SUPT5H: variants seen among roughly 807,000 people sequenced by gnomAD.
The protein encoded by SUPT5H is SPT5 homolog, DSIF elongation factor subunit, also known as transcription elongation factor SPT5.
Under a neutral mutation model 142.5 loss-of-function variants are expected in SUPT5H, and 24 were observed. The observed-to-expected ratio is 0.17, with a 90% CI of 0.12 to 0.24. The LOEUF (loss-of-function observed/expected upper bound fraction) is 0.24, where lower values mean the gene tolerates loss of function less well. Among genes scored for constraint, SUPT5H ranks in the 10% least tolerant of loss-of-function variants. SUPT5H has a pLI of 1.00. For synonymous variants in SUPT5H, 546 were observed against 553.0 expected, an observed-to-expected ratio of 0.99 and a Z score of 0.18; for missense variants, 893 against 1,471.8, an observed-to-expected ratio of 0.61 and a Z score of 6.43.
chr19:39,468,013 C>T (rs2079266083), intron 13 of SUPT5H: 1 of 152,224 alleles, frequency 6.6e-6, no homozygotes, highest in Non-Finnish European at 1.5e-5. Context: ...CATGCTGGCC[C>T]CTCTCCCAGA....
intron 11 of SUPT5H, among the ~76,000 whole-genome samples, chr19:39,465,546 T>C (rs986914908): frequency 6.6e-6 from 1 of 152,200 alleles, no homozygotes; most frequent in Non-Finnish European, 1.5e-5. Flanking sequence ...CCAGGGGACA[T>C]TTGGTAACGT....
intron 10 of SUPT5H, 133 bp downstream of exon 10, chr19:39,460,093 A>G (rs2079142209): frequency 1.2e-6 from 1 of 844,952 alleles, no homozygotes. Flanking sequence ...CTTGAGCTGG[A>G]ATAAGACCAC....
rs921189076 is a variant in SUPT5H, at chr19:39,445,586, A to T, written c.-139A>T. Reference sequence around the variant, plus strand: ...GCGAGAGGACCCGTCAGCCCCAGTCAGGCGTCGTGCGAACAGCAGCTGGTA... The same window carrying T: ...GCGAGAGGACCCGTCAGCCCCAGTCTGGCGTCGTGCGAACAGCAGCTGGTA... On this transcript the variant is annotated 5_prime_UTR_variant, in exon 1 of 30. Transcript: ENST00000432763. 2.6e-6 allele frequency: 1 copy of T among 391,710 alleles called. No individual in the cohort carries two copies. Among genetic ancestry groups the T allele is most frequent in the Non-Finnish European group, 4.8e-6 (1 of 206,454 alleles). 24.3% of individuals were successfully genotyped at this position (391,710 alleles called of 1,614,324 possible).
rs981169701 is a variant in SUPT5H, at chr19:39,466,376, A to G, written c.877-104A>G. The G allele has an allele frequency of 4.6e-6, 5 of 1,091,280 alleles. No individual in the cohort carries two copies. In the African/African-American group the frequency reaches 7.7e-5, roughly 17 times the overall value. The allele number at this position is 1,091,280 out of a possible 1,614,324, so 67.6% of individuals were successfully genotyped here. On this transcript the variant is annotated intron_variant, in intron 11 of 29. Coordinates refer to ENST00000432763, the MANE Select transcript of SUPT5H (RefSeq NM_001111020.3). This position sits in a 1 kb window ranked among gnomAD's most constrained non-coding sequence, Gnocchi z 4.3. ...TGGTCAGCAGCCTGGTTTCTTCCCCACCATCCTGCGTCCCTTCTCCTTCCT... is the reference window on the plus strand; with the variant it reads ...TGGTCAGCAGCCTGGTTTCTTCCCCGCCATCCTGCGTCCCTTCTCCTTCCT...
At chr19:39,461,017 C>CTGAA (rs2079153946) in intron 10 of SUPT5H, among the ~76,000 whole-genome samples, 1 of 152,174 alleles carries the variant, frequency 6.6e-6, no homozygotes. Flanking sequence ...TGGCTCATGC[C>CTGAA]TGAATCTCCA....
chr19:39,453,589 C>G (rs976940422), intron 3 of SUPT5H, 68 bp downstream of exon 3: 6 of 1,427,502 alleles, frequency 4.2e-6, no homozygotes, highest in Non-Finnish European at 5.5e-6. Context: ...ATTTCTTTTT[C>G]TTTTTTTGAG....
At chr19:39,461,495 C>G (rs2079160504) in intron 10 of SUPT5H, among the ~76,000 whole-genome samples, 1 of 151,932 alleles carries the variant, frequency 6.6e-6, no homozygotes, top group Non-Finnish European at 1.5e-5. Flanking sequence ...GCCTGGACAT[C>G]ATAGTGACAT....
In SUPT5H at chr19:39,453,549, A is replaced by T. The variant is rs57355849; in HGVS notation, c.241+28A>T. ...ATGTCATAGTGCTTGGCCAGTGCCG[A>T]GCAGAGGCTGAGCTTCTACTTTTAG... On this transcript the variant is annotated intron_variant, in intron 3 of 29. Coordinates refer to ENST00000432763, the MANE Select transcript of SUPT5H (RefSeq NM_001111020.3). 0.011 allele frequency: 16,950 copies of T among 1,475,722 alleles called. 1,295 individuals are homozygous for T. The African/African-American group carries it at 0.19, about 16-fold the overall frequency. The allele number at this position is 1,475,722 out of a possible 1,614,324, so 91.4% of individuals were successfully genotyped here.
At chr19:39,460,721 G>A (rs1238326186) in intron 10 of SUPT5H, among the ~76,000 whole-genome samples, 1 of 152,146 alleles carries the variant, frequency 6.6e-6, no homozygotes, top group African/African-American at 2.4e-5. Context: ...ACAAAAAAAA[G>A]GATTAGGTGG....
At chr19:39,455,368 C>G (rs1039006529) in intron 3 of SUPT5H, among the ~76,000 whole-genome samples, 1 of 151,810 alleles carries the variant, frequency 6.6e-6, no homozygotes, top group Non-Finnish European at 1.5e-5. Flanking sequence ...TCGAGACCAG[C>G]CTGGCCAAGA....
intron 4 of SUPT5H, chr19:39,457,942 G>A (rs1394797467): frequency 1.4e-5 from 14 of 980,206 alleles, no homozygotes; most frequent in Admixed American, 2.0e-5. Context: ...GCCCTGGGGT[G>A]GGGATGTTGT....
In SUPT5H at chr19:39,445,856, G is replaced by C. The variant is rs527995446; in HGVS notation, c.-35G>C. On this transcript the variant is annotated 5_prime_UTR_variant, in exon 2 of 30. Transcript: ENST00000432763. ...GGTGGAGCGCAGGATTGTGGGACGC[G>C]CCAAGGCTGCTGTCTTTCCCAGCAG... is the stretch of plus-strand genomic sequence containing the variant. 1.9e-6 allele frequency: 3 copies of C among 1,608,648 alleles called. No homozygotes were observed. The Admixed American group carries it at 5.1e-5, about 27-fold the overall frequency.
At chr19:39,447,002 G>A (rs373859488) in intron 2 of SUPT5H, among the ~76,000 whole-genome samples, 17 of 151,786 alleles carry the variant, frequency 1.1e-4, no homozygotes, top group African/African-American at 3.6e-4. Context: ...GCAAGACTCC[G>A]TCTTATAAAA....
Position 39,470,595 on chromosome 19 carries a change from G to C in SUPT5H, c.1677+72G>C. ...CCTGTCCCTCAACCCCTCATCCTGG[G>C]AGGTGGCAGAGCCCCCAGACTGCTC... On this transcript the variant is annotated intron_variant, in intron 18 of 29. Transcript: ENST00000432763. The surrounding 1 kb of genome is among the most constrained non-coding windows in gnomAD (Gnocchi z 5.8). 1 of 1,445,672 alleles carries C rather than the reference G, an allele frequency of 6.9e-7. No homozygotes were observed. The highest frequency in any genetic ancestry group is 2.6e-5 in the Admixed American group (1 of 38,702). The allele number at this position is 1,445,672 out of a possible 1,614,324, so 89.6% of individuals were successfully genotyped here.
intron 3 of SUPT5H, among the ~76,000 whole-genome samples, 189 bp downstream of exon 3, chr19:39,453,710 G>A (rs894981056): frequency 3.3e-5 from 5 of 152,042 alleles, no homozygotes; most frequent in Non-Finnish European, 7.4e-5. Flanking sequence ...GACTACAGGC[G>A]CCCGCCACCA....
At position 39,458,264 on chromosome 19, in the gene SUPT5H, A is replaced by G. The variant is rs1400507367; in HGVS notation, c.308-30A>G. 9.4e-6 allele frequency: 7 copies of G among 746,898 alleles called. No homozygotes were observed. Among genetic ancestry groups the G allele is most frequent in the Non-Finnish European group, 6.4e-6 (3 of 468,338 alleles). The allele number at this position is 746,898 out of a possible 1,614,324, so 46.3% of individuals were successfully genotyped here. A position where few individuals can be genotyped will look rare whatever the true frequency, so the allele number is the denominator to read the frequency against. On this transcript the variant is annotated intron_variant, in intron 4 of 29. Transcript: ENST00000432763. The surrounding 1 kb of genome is among the most constrained non-coding windows in gnomAD (Gnocchi z 4.2). ...CACCACCACCACCACCACCACCACC[A>G]CCACCACCACCTCCTCTTCCTCCAA...
Position 39,474,838 on chromosome 19 carries a change from G to A in SUPT5H, c.3024+120G>A, listed in dbSNP as rs944006961. On this transcript the variant is annotated intron_variant, in intron 28 of 29. Transcript: ENST00000432763. The surrounding 1 kb of genome is among the most constrained non-coding windows in gnomAD (Gnocchi z 6.5). ...AGTGGGCAGAGCTGGGATTGAGGAA[G>A]CCTAGAGGGCAAGGGGAGCTATGTG... 9.2e-5 allele frequency: 106 copies of A among 1,153,238 alleles called. No individual in the cohort carries two copies. The African/African-American group carries it at 1.6e-3, about 17-fold the overall frequency. The allele number at this position is 1,153,238 out of a possible 1,614,324, so 71.4% of individuals were successfully genotyped here. A position where few individuals can be genotyped will look rare whatever the true frequency, so the allele number is the denominator to read the frequency against.
intron 3 of SUPT5H, among the ~76,000 whole-genome samples, chr19:39,454,618 G>A (rs2079064065): frequency 6.6e-6 from 1 of 152,116 alleles, no homozygotes; most frequent in South Asian, 2.1e-4. Context: ...GAGATTACGG[G>A]CGTGAGCCAC....
rs1330792852 is a variant in SUPT5H at position 39,474,248 on chromosome 19, A to T, written c.2666A>T (p.Gln889Leu). 3 of 1,613,808 alleles carry T rather than the reference A, an allele frequency of 1.9e-6. No individual in the cohort carries two copies. The change falls in exon 27 of 30, where the codon CAG becomes CTG. Residue 889 changes from glutamine to leucine, a missense_variant. Gln to Leu is a moderately radical substitution (Grantham distance 113). Transcript: ENST00000432763. This position sits in a 1 kb window ranked among gnomAD's most constrained non-coding sequence, Gnocchi z 6.5. ...TGTCTCTGCAGGTACAACACAGACC[A>T]GTTCTCTCCCTATGCTGCCCCCTCC... The part of the protein sequence containing the change: ...PGTPAMYNTD[Q>L]FSPYAAPSPQ...
Sources: allele counts gnomAD v4.1 joint callset (sites outside exome capture counted in the v4.1 genomes callset), GRCh38; gene constraint gnomAD v4.1.1; non-coding constraint Gnocchi (gnomAD v3.1); transcripts MANE v1.5; gene names NCBI Gene and HGNC (gene_info 2026-07-23, HGNC 2026-07-21).